Variants in GABRR1 observed in about 807,000 individuals in gnomAD.
GABRR1 encodes the protein gamma-aminobutyric acid type A receptor subunit rho1, also known as gamma-aminobutyric acid receptor subunit rho-1.
GABRR1 carries 59 observed loss-of-function variants against 55.5 expected under a neutral mutation model. The ratio of observed to expected loss-of-function variants is 1.06; its 90% CI spans 0.86 to 1.32. The LOEUF is 1.32. GABRR1 is among the 40% of genes most tolerant of loss of function. GABRR1 has a pLI of 0.00. For missense variants in GABRR1, 602 were observed against 619.1 expected (o/e 0.97, Z 0.29); for synonymous variants, 213 against 226.0 (o/e 0.94, Z 0.51).
At chr6:89,209,053 G>A (rs1772740339) in intron 1 of GABRR1, among the ~76,000 whole-genome samples, 1 of 152,118 alleles carries the variant, frequency 6.6e-6, no homozygotes, top group African/African-American at 2.4e-5. Context: ...GCCCTGGCCT[G>A]CTACTGCCTT....
intron 2 of GABRR1, among the ~76,000 whole-genome samples, chr6:89,201,863 T>C (rs1772485792): frequency 6.6e-6 from 1 of 152,082 alleles, no homozygotes; most frequent in Non-Finnish European, 1.5e-5. Context: ...CTGGTATTTT[T>C]AAAGCTTCCC....
intron 8 of GABRR1, among the ~76,000 whole-genome samples, chr6:89,181,407 G>C (rs1275260891): frequency 6.6e-6 from 1 of 152,182 alleles, no homozygotes; most frequent in African/African-American, 2.4e-5. Flanking sequence ...ATAGAAAAGG[G>C]ATTCTCAGAC....
At chr6:89,185,527 G>A in intron 6 of GABRR1, 77 bp from the exon 7 acceptor site, 1 of 1,276,614 alleles carries the variant, frequency 7.8e-7, no homozygotes, top group Non-Finnish European at 1.1e-6. Context: ...TAGAAGCTGT[G>A]TCCTGACCTC....
intron 7 of GABRR1, among the ~76,000 whole-genome samples, chr6:89,182,334 A>C (rs1193920262): frequency 1.3e-5 from 2 of 152,068 alleles, no homozygotes; most frequent in East Asian, 3.9e-4. Flanking sequence ...ACAGTGTATC[A>C]CTCTGTCACC....
At chr6:89,197,176 G>C (rs573587598) in intron 5 of GABRR1, among the ~76,000 whole-genome samples, 1 of 152,304 alleles carries the variant, frequency 6.6e-6, no homozygotes, top group South Asian at 2.1e-4. Flanking sequence ...TGACTCCATA[G>C]GTTTATAAGT....
At chr6:89,216,865 C>T (rs969011226) in intron 1 of GABRR1, among the ~76,000 whole-genome samples, 1 of 152,172 alleles carries the variant, frequency 6.6e-6, no homozygotes, top group African/African-American at 2.4e-5. Context: ...CAGAGTTGTT[C>T]TAACCCTAGG....
intron 2 of GABRR1, among the ~76,000 whole-genome samples, chr6:89,201,596 G>A (rs1478004334): frequency 6.6e-6 from 1 of 152,094 alleles, no homozygotes; most frequent in African/African-American, 2.4e-5. Context: ...TGGCTAACAC[G>A]GTGAAACCCC....
chr6:89,210,009 GT>G (rs1201263703), intron 1 of GABRR1, among the ~76,000 whole-genome samples: 1 of 151,992 alleles, frequency 6.6e-6, no homozygotes, highest in Non-Finnish European at 1.5e-5. Context: ...ACTTTCTTTT[GT>G]TTTCTGATGG....
At chr6:89,194,296 T>C (rs1285243133) in intron 5 of GABRR1, among the ~76,000 whole-genome samples, 1 of 152,100 alleles carries the variant, frequency 6.6e-6, no homozygotes, top group Non-Finnish European at 1.5e-5. Context: ...ACCTCCCCCA[T>C]TCGGGACTGG....
chr6:89,216,760 T>C (rs182972986), intron 1 of GABRR1, among the ~76,000 whole-genome samples: 1 of 152,320 alleles, frequency 6.6e-6, no homozygotes, highest in Non-Finnish European at 1.5e-5. Context: ...TGCTTTCTTT[T>C]AAAATATTAA....
chr6:89,217,100 C>A, intron 1 of GABRR1, 101 bp downstream of exon 1: 2 of 1,337,958 alleles, frequency 1.5e-6, no homozygotes, highest in Non-Finnish European at 2.0e-6. Flanking sequence ...CCACACAAAA[C>A]ACCATACGCT....
upstream of GABRR1, chr6:89,217,416 T>A: frequency 7.0e-7 from 1 of 1,419,208 alleles, no homozygotes; most frequent in Non-Finnish European, 9.5e-7. Flanking sequence ...TGTTCATTAT[T>A]AGAAGGATGT....
chr6:89,229,366 T>C (rs1037796592), intron 1 of GABRR1, among the ~76,000 whole-genome samples: 4 of 152,000 alleles, frequency 2.6e-5, no homozygotes, highest in African/African-American at 9.7e-5. Context: ...CTCGATGGTC[T>C]TTACATTTTG....
chr6:89,195,520 G>A (rs6930407), intron 5 of GABRR1, among the ~76,000 whole-genome samples: 23,403 of 151,092 alleles, frequency 0.15, 2,085 homozygotes, highest in African/African-American at 0.24. Context: ...AAACCATGCC[G>A]ACCAGGAGGA....
chr6:89,196,838 A>AGAAAGAAAGAAG (rs1772299367), intron 5 of GABRR1, among the ~76,000 whole-genome samples: 1 of 101,882 alleles, frequency 9.8e-6, no homozygotes, highest in African/African-American at 3.8e-5. Context: ...AAAGAAAGAA[A>AGAAAGAAAGAAG]GAAAGAAAGA....
At position 89,215,408 on chromosome 6, in the gene GABRR1, T is replaced by G. The variant is rs192413334; in HGVS notation, c.122+1793A>C. 8.4e-4 allele frequency among the ~76,000 whole-genome samples: 128 copies of G among 152,350 alleles called. 4 individuals are homozygous for G. Among genetic ancestry groups the G allele is most frequent in the Non-Finnish European group, 7.3e-5 (5 of 68,034 alleles). ...CAGCACGCATAAACCTGGAGGACAT[T>G]ATGCTTAATGAAATAAGCCAAGCAT... On this transcript the variant is annotated intron_variant, in intron 1 of 9. Transcript: ENST00000454853.
rs757806067 is a variant in GABRR1 at position 89,182,038 on chromosome 6, G to A, written c.816C>T (p.Tyr272=). 13 of 1,614,022 alleles carry A rather than the reference G, an allele frequency of 8.1e-6. No individual in the cohort carries two copies. The highest frequency in any genetic ancestry group is 2.2e-5 in the East Asian group (1 of 44,888). Residue 272 remains tyrosine (Y), a synonymous_variant, in exon 8 of 10, where the codon TAC becomes TAT. Coordinates refer to ENST00000454853, the MANE Select transcript of GABRR1 (RefSeq NM_002042.5). The part of the protein sequence containing the change: ...YSSTGWYNRL[Y]INFTLRRHIF... ...TGTGGCGACGCAACGTGAAATTAATGTAGAGACGGTTGTACCAGCCTGGGG... is the reference window on the plus strand; with the variant it reads ...TGTGGCGACGCAACGTGAAATTAATATAGAGACGGTTGTACCAGCCTGGGG...
chr6:89,217,442 A>G (rs1344104268), upstream of GABRR1: 2 of 1,210,292 alleles, frequency 1.7e-6, no homozygotes, highest in Non-Finnish European at 2.3e-6. Context: ...CATGCAAAAA[A>G]AAAATCAACC....
In GABRR1 at chr6:89,213,158, A is replaced by G. The variant is rs900043667; in HGVS notation, c.122+4043T>C. On this transcript the variant is annotated intron_variant, in intron 1 of 9. Transcript: ENST00000454853. ...GTAAGGTGCATAGGGAGTAAAATGT[A>G]AAGAGCCAGTCACTCTCTGGGGCAT... Among the ~76,000 whole-genome samples, 8 of 152,152 alleles carry G rather than the reference A, an allele frequency of 5.3e-5. No individual in the cohort carries two copies. The East Asian group carries it at 1.5e-3, about 29-fold the overall frequency.
Sources: gnomAD v4.1 joint callset for allele counts (sites outside exome capture counted in the v4.1 genomes callset) on GRCh38, gnomAD v4.1.1 for gene constraint, MANE v1.5 for transcripts, NCBI Gene and HGNC (gene_info 2026-07-23, HGNC 2026-07-21) for gene names.